Variants in EDC3 observed in about 807,000 individuals in gnomAD.
EDC3 encodes the protein enhancer of mRNA-decapping protein 3.
EDC3 carries 20 observed loss-of-function variants against 41.8 expected under a neutral mutation model. That is an observed-to-expected ratio of 0.48 (90% CI 0.34 to 0.70). The LOEUF (loss-of-function observed/expected upper bound fraction) is 0.70. Among genes scored for constraint, EDC3 ranks in the 30% least tolerant of loss-of-function variants. The probability of loss-of-function intolerance (pLI) is 0.01; values close to 1 mark genes in which losing one functional copy is unlikely to be tolerated. For synonymous variants in EDC3, 206 were observed against 243.2 expected, an observed-to-expected ratio of 0.85 and a Z score of 1.42; for missense variants, 444 against 636.8, an observed-to-expected ratio of 0.70 and a Z score of 3.26.
intron 1 of EDC3, among the ~76,000 whole-genome samples, chr15:74,684,946 T>C (rs1255963808): frequency 6.6e-6 from 1 of 152,154 alleles, no homozygotes; most frequent in African/African-American, 2.4e-5. Flanking sequence ...GTTAGTTCCA[T>C]CCTGCCTTTC....
At chr15:74,674,710 G>A (rs2062781719) in intron 2 of EDC3, among the ~76,000 whole-genome samples, 2 of 152,060 alleles carry the variant, frequency 1.3e-5, no homozygotes, top group South Asian at 4.2e-4. Flanking sequence ...ATATCGGAAT[G>A]CAAAGAGGAA....
intron 3 of EDC3, among the ~76,000 whole-genome samples, chr15:74,664,045 A>T (rs1169503007): frequency 7.9e-5 from 12 of 152,232 alleles, no homozygotes; most frequent in Admixed American, 7.9e-4. Context: ...TTCATTTGAG[A>T]CATAGACACT....
At chr15:74,663,421 G>A (rs1311005510) in intron 3 of EDC3, among the ~76,000 whole-genome samples, 4 of 152,154 alleles carry the variant, frequency 2.6e-5, no homozygotes, top group Non-Finnish European at 4.4e-5. Context: ...CAATATGAAT[G>A]TTCAAAAGCA....
At chr15:74,669,204 G>A (rs953072755) in intron 3 of EDC3, among the ~76,000 whole-genome samples, 12 of 151,926 alleles carry the variant, frequency 7.9e-5, no homozygotes, top group African/African-American at 1.5e-4. Context: ...TTAGCCAGAC[G>A]TGGTGGCACA....
intron 3 of EDC3, among the ~76,000 whole-genome samples, chr15:74,656,437 A>G (rs1196038864): frequency 1.3e-5 from 2 of 151,910 alleles, no homozygotes; most frequent in East Asian, 3.9e-4. Context: ...ACACACACAC[A>G]CACAAACAAC....
intron 4 of EDC3, among the ~76,000 whole-genome samples, chr15:74,648,274 A>G (rs1270029954): frequency 6.6e-6 from 1 of 152,230 alleles, no homozygotes; most frequent in East Asian, 1.9e-4. Flanking sequence ...GGAGATAAAA[A>G]CACTGCTGGT....
chr15:74,688,677 G>A (rs796426991), intron 1 of EDC3, among the ~76,000 whole-genome samples: 3 of 152,202 alleles, frequency 2.0e-5, no homozygotes, highest in African/African-American at 7.2e-5. Context: ...AGGCCACGGC[G>A]GGTGGATCAC....
chr15:74,646,341 G>A (rs2062418995), intron 4 of EDC3, among the ~76,000 whole-genome samples: 1 of 152,168 alleles, frequency 6.6e-6, no homozygotes, highest in African/African-American at 2.4e-5. Context: ...CCAAAGTGTT[G>A]GGATTACGGG....
At chr15:74,662,262 T>C (rs1217417802) in intron 3 of EDC3, among the ~76,000 whole-genome samples, 2 of 152,120 alleles carry the variant, frequency 1.3e-5, no homozygotes, top group African/African-American at 4.8e-5. Flanking sequence ...ATTACCTACT[T>C]TGTTCTGTAG....
At chr15:74,673,302 G>C (rs60439061) in intron 2 of EDC3, among the ~76,000 whole-genome samples, 3,553 of 152,172 alleles carry the variant, frequency 0.023, 144 homozygotes, top group African/African-American at 0.081. Flanking sequence ...ATACGATTTT[G>C]GCAACTAACT....
At chr15:74,652,590 T>G (rs190252163) in intron 4 of EDC3, among the ~76,000 whole-genome samples, 12 of 146,586 alleles carry the variant, frequency 8.2e-5, no homozygotes, top group East Asian at 8.1e-4. Context: ...GGTTTTTGTG[T>G]TTTTTTTTTG....
intron 1 of EDC3, among the ~76,000 whole-genome samples, chr15:74,679,492 TTATC>T (rs1224486269): frequency 6.6e-6 from 1 of 151,998 alleles, no homozygotes; most frequent in African/African-American, 2.4e-5. Context: ...ATCATAAACG[TTATC>T]ACATCAGTAA....
intron 4 of EDC3, among the ~76,000 whole-genome samples, chr15:74,652,494 CT>C (rs2062492931): frequency 6.6e-6 from 1 of 152,158 alleles, no homozygotes; most frequent in Non-Finnish European, 1.5e-5. Flanking sequence ...CCCCAAAGTG[CT>C]GGGATTACAG....
intron 1 of EDC3, among the ~76,000 whole-genome samples, chr15:74,690,271 C>T (rs1433787260): frequency 6.6e-6 from 1 of 152,212 alleles, no homozygotes; most frequent in Non-Finnish European, 1.5e-5. Context: ...TGCTCAAATG[C>T]TGAACTATCA....
intron 4 of EDC3, 135 bp downstream of exon 4, chr15:74,655,598 A>C: frequency 1.2e-6 from 1 of 855,320 alleles, no homozygotes; most frequent in Non-Finnish European, 1.8e-6. Flanking sequence ...AAGAGACAAT[A>C]ATACCGGGCC....
At chr15:74,644,655 T>C (rs1323912122) in intron 4 of EDC3, 1 of 148,210 alleles carries the variant, frequency 6.7e-6, no homozygotes, top group East Asian at 1.9e-4. Context: ...AAAGTGTACA[T>C]ATATATATAT....
chr15:74,649,867 G>T (rs1004446790), intron 4 of EDC3, among the ~76,000 whole-genome samples: 2 of 150,754 alleles, frequency 1.3e-5, no homozygotes, highest in Non-Finnish European at 3.0e-5. Flanking sequence ...AAAAGGGGGG[G>T]GGGGTCACAA....
At chr15:74,680,219 C>G (rs1355693216) in intron 1 of EDC3, among the ~76,000 whole-genome samples, 1 of 141,824 alleles carries the variant, frequency 7.1e-6, no homozygotes. Flanking sequence ...CACAATCACA[C>G]CACTGCACTC....
At chr15:74,680,781 T>C (rs1596330310) in intron 1 of EDC3, among the ~76,000 whole-genome samples, 1 of 152,280 alleles carries the variant, frequency 6.6e-6, no homozygotes, top group African/African-American at 2.4e-5. Flanking sequence ...TTCAGCAAGA[T>C]TGTGGGATAC....
Sources: allele counts gnomAD v4.1 joint callset (sites outside exome capture counted in the v4.1 genomes callset), GRCh38; gene constraint gnomAD v4.1.1; transcripts MANE v1.5; gene names NCBI Gene and HGNC (gene_info 2026-07-23, HGNC 2026-07-21).